Variants in SMURF1 observed in about 807,000 individuals in gnomAD.
SMURF1 encodes the protein E3 ubiquitin-protein ligase SMURF1.
In SMURF1, 44 loss-of-function variants were observed where a neutral mutation model predicts 98.0. That is an observed-to-expected ratio of 0.45 (90% CI 0.35 to 0.58). The LOEUF (loss-of-function observed/expected upper bound fraction) is 0.58, where lower values mean the gene tolerates loss of function less well. Among genes scored for constraint, SMURF1 ranks in the 20% least tolerant of loss-of-function variants. The pLI, the probability that SMURF1 is intolerant of heterozygous loss-of-function variation, is 0.00. For missense variants in SMURF1, 687 were observed against 938.4 expected, an observed-to-expected ratio of 0.73 and a Z score of 3.50; for synonymous variants, 396 against 374.9, an observed-to-expected ratio of 1.06 and a Z score of -0.65.
At chr7:99,080,321 C>T (rs574476043) in intron 1 of SMURF1, among the ~76,000 whole-genome samples, 8 of 150,158 alleles carry the variant, frequency 5.3e-5, no homozygotes, top group Admixed American at 3.3e-4. Flanking sequence ...GTTTTTGAGA[C>T]GGAGTTTCGC....
chr7:99,063,277 A>T (rs1434852874), intron 1 of SMURF1, among the ~76,000 whole-genome samples: 3,491 of 20,234 alleles, frequency 0.17, 490 homozygotes, highest in Non-Finnish European at 0.29. Flanking sequence ...ATATATATAT[A>T]TATATATATA....
chr7:99,071,804 C>CG (rs1796330361), intron 1 of SMURF1, among the ~76,000 whole-genome samples: 1 of 152,052 alleles, frequency 6.6e-6, no homozygotes. Flanking sequence ...CCAGACTCAG[C>CG]GGCTCATGCC....
chr7:99,057,166 T>C lies in SMURF1; in HGVS notation c.403+39A>G, dbSNP rs969911131. The C allele has an allele frequency of 1.9e-6, 3 of 1,609,502 alleles. No homozygotes were observed. In the Admixed American group the frequency reaches 5.0e-5, roughly 27 times the overall value. On this transcript the variant is annotated intron_variant, in intron 5 of 17. Coordinates refer to ENST00000361368, the MANE Select transcript of SMURF1 (RefSeq NM_181349.3). ...GCGATGAAGGGTTGAATGTAAGTTC[T>C]GGAAAAGCATCTCTTTACACAGACA...
chr7:99,063,279 A>ATATATATATATAAGATT (rs1563012849), intron 1 of SMURF1, among the ~76,000 whole-genome samples: 2 of 19,352 alleles, frequency 1.0e-4, no homozygotes, highest in Non-Finnish European at 2.9e-4. Flanking sequence ...ATATATATAT[A>ATATATATATATAAGATT]TATATATATA....
chr7:99,036,967 C>T (rs1795169012), intron 15 of SMURF1, 100 bp downstream of exon 15: 2 of 1,573,130 alleles, frequency 1.3e-6, no homozygotes, highest in African/African-American at 1.4e-5. Flanking sequence ...CCTAGGCTTA[C>T]TAGAAAGCGG....
At chr7:99,131,095 G>A (rs1277153515) in intron 1 of SMURF1, among the ~76,000 whole-genome samples, 1 of 152,136 alleles carries the variant, frequency 6.6e-6, no homozygotes, top group Non-Finnish European at 1.5e-5. Flanking sequence ...AAAACACTGA[G>A]ATATAGAGAG....
At chr7:99,057,130 G>A in intron 5 of SMURF1, 75 bp downstream of exon 5, 4 of 1,523,328 alleles carry the variant, frequency 2.6e-6, no homozygotes, top group Non-Finnish European at 3.6e-6. Flanking sequence ...GTGCCTGTAT[G>A]TGAGTTCTCG....
intron 1 of SMURF1, among the ~76,000 whole-genome samples, chr7:99,093,925 A>G (rs1254507219): frequency 6.6e-6 from 1 of 152,182 alleles, no homozygotes. Context: ...GAATTTTCAA[A>G]ACTAACAAAT....
chr7:99,131,424 G>C (rs976092897), intron 1 of SMURF1, among the ~76,000 whole-genome samples: 1 of 152,054 alleles, frequency 6.6e-6, no homozygotes, highest in Admixed American at 6.5e-5. Context: ...AAGACTACAA[G>C]GAACACTAAG....
At position 99,030,505 on chromosome 7, in the gene SMURF1, G is replaced by C; in HGVS notation, c.*79C>G. On this transcript the variant is annotated 3_prime_UTR_variant, in exon 18 of 18. Transcript: ENST00000361368. ...ATCTGGAATTCCAGGGCCTCTGCCA[G>C]CTTTGCAGGAGGTGCACAGAAGCTG... 2 of 1,201,566 alleles carry C rather than the reference G, an allele frequency of 1.7e-6. No individual in the cohort carries two copies. The highest frequency in any genetic ancestry group is 2.5e-6 in the Non-Finnish European group (2 of 815,140). The allele number at this position is 1,201,566 out of a possible 1,614,324, so 74.4% of individuals were successfully genotyped here.
chr7:99,038,627 G>C, intron 13 of SMURF1, 102 bp from the exon 14 acceptor site: 1 of 1,417,930 alleles, frequency 7.1e-7, no homozygotes, highest in Non-Finnish European at 9.6e-7. Flanking sequence ...GGGGCTGCAA[G>C]ACAGGACAGC....
At chr7:99,062,957 G>A (rs1796069042) in intron 1 of SMURF1, among the ~76,000 whole-genome samples, 1 of 151,758 alleles carries the variant, frequency 6.6e-6, no homozygotes, top group Non-Finnish European at 1.5e-5. Context: ...AAGAGAGTTT[G>A]TCACCAGACC....
chr7:99,081,845 G>GA (rs1217513557), intron 1 of SMURF1, among the ~76,000 whole-genome samples: 5 of 152,188 alleles, frequency 3.3e-5, no homozygotes, highest in African/African-American at 1.2e-4. Flanking sequence ...TAGAGATGGG[G>GA]TTTTGCCGTG....
intron 1 of SMURF1, among the ~76,000 whole-genome samples, chr7:99,113,909 G>A (rs1797383797): frequency 7.0e-6 from 1 of 142,838 alleles, no homozygotes; most frequent in Non-Finnish European, 1.5e-5. Flanking sequence ...ACTAATAAAG[G>A]AAAATATATA....
intron 1 of SMURF1, among the ~76,000 whole-genome samples, chr7:99,099,899 G>A (rs1321295885): frequency 3.9e-5 from 6 of 152,130 alleles, no homozygotes; most frequent in Non-Finnish European, 2.9e-5. Flanking sequence ...CCAGAATCAT[G>A]TGCTAAATAA....
rs545547800 is a variant in SMURF1, at chr7:99,079,535, C to T, written c.56-17698G>A. Among the ~76,000 whole-genome samples, 18 of 152,300 alleles carry T rather than the reference C, an allele frequency of 1.2e-4. No individual in the cohort carries two copies. The South Asian group carries it at 3.7e-3, about 32-fold the overall frequency. The stretch of plus-strand genomic sequence containing the variant: ...AAAGTGTTTCCTCGTAAAACAGAGA[C>T]TACATACTCGTTTCAAACACACATG... On this transcript the variant is annotated intron_variant, in intron 1 of 17. Transcript: ENST00000361368.
chr7:99,051,663 T>C (rs1795755428), intron 7 of SMURF1, among the ~76,000 whole-genome samples: 1 of 152,204 alleles, frequency 6.6e-6, no homozygotes, highest in Non-Finnish European at 1.5e-5. Flanking sequence ...GCCTACATGT[T>C]ACCTTGGTTT....
chr7:99,055,516 TG>T, intron 5 of SMURF1, among the ~76,000 whole-genome samples: 1 of 151,810 alleles, frequency 6.6e-6, no homozygotes, highest in East Asian at 1.9e-4. Context: ...GAAGTTTTTT[TG>T]GGGGGGATTA....
intron 12 of SMURF1, among the ~76,000 whole-genome samples, chr7:99,041,379 G>C (rs1795374620): frequency 6.6e-6 from 1 of 152,118 alleles, no homozygotes; most frequent in South Asian, 2.1e-4. Flanking sequence ...TCCAGCCTGG[G>C]GGACACAGCG....
Sources: gnomAD v4.1 joint callset for allele counts (sites outside exome capture counted in the v4.1 genomes callset) on GRCh38, gnomAD v4.1.1 for gene constraint, MANE v1.5 for transcripts, NCBI Gene and HGNC (gene_info 2026-07-23, HGNC 2026-07-21) for gene names.